Variants in NAALADL2 observed in about 807,000 individuals in gnomAD.
NAALADL2 encodes the protein N-acetylated alpha-linked acidic dipeptidase like 2.
A neutral mutation model predicts 87.2 loss-of-function variants in NAALADL2; 76 were observed. The observed-to-expected ratio is 0.87, with a 90% CI of 0.72 to 1.05. NAALADL2 has a LOEUF of 1.05. Among genes scored for constraint, NAALADL2 ranks in the 50% least tolerant of loss-of-function variants. The pLI, the probability that NAALADL2 is intolerant of heterozygous loss-of-function variation, is 0.00. For synonymous variants in NAALADL2, 354 were observed against 331.0 expected, an observed-to-expected ratio of 1.07 and a Z score of -0.75; for missense variants, 1,089 against 945.8, an observed-to-expected ratio of 1.15 and a Z score of -1.99.
chr3:175,083,817 A>C (rs1718345597), intron 1 of NAALADL2, among the ~76,000 whole-genome samples: 1 of 152,222 alleles, frequency 6.6e-6, no homozygotes, highest in Admixed American at 6.5e-5. Context: ...TATCTGACCC[A>C]AAATTCTATA....
intron 2 of NAALADL2, among the ~76,000 whole-genome samples, chr3:175,154,893 C>A (rs746284693): frequency 2.0e-5 from 3 of 151,976 alleles, no homozygotes; most frequent in Non-Finnish European, 2.9e-5. Context: ...TACTCCATAC[C>A]CCTGTTATTT....
intron 2 of NAALADL2, among the ~76,000 whole-genome samples, chr3:174,641,013 T>C (rs1723126206): frequency 6.6e-6 from 1 of 152,140 alleles, no homozygotes; most frequent in African/African-American, 2.4e-5. Flanking sequence ...CAGGCGAGGA[T>C]GGGCGCCCCA....
chr3:174,813,877 A>T lies in NAALADL2; in HGVS notation c.-9+76131A>T, dbSNP rs1422399336. Among the ~76,000 whole-genome samples, 4 of 152,082 alleles carry T rather than the reference A, an allele frequency of 2.6e-5. No individual in the cohort carries two copies. In the East Asian group the frequency reaches 7.7e-4, roughly 29 times the overall value. Reference sequence around the variant, plus strand: ...AGAAATAATAAATATTTAAGATCTCAAACTTTTATGCATGTATAGTATAGC... The same window carrying T: ...AGAAATAATAAATATTTAAGATCTCTAACTTTTATGCATGTATAGTATAGC... On this transcript the variant is annotated intron_variant, in intron 3 of 3. Coordinates refer to the NAALADL2 transcript ENST00000434257.
Position 175,473,476 on chromosome 3 carries a change from A to G in NAALADL2, c.1653+1718A>G, listed in dbSNP as rs189539548. Among the ~76,000 whole-genome samples the G allele has an allele frequency of 2.6e-3, 397 of 152,140 alleles. 1 individual carries two copies. The highest frequency in any genetic ancestry group is 8.6e-3 in the African/African-American group (359 of 41,558). ...CAATTTAGAAGGTTAGGAATATCACAACTTCAAGCAAAGGATAGCATTATG... is the reference window on the plus strand; with the variant it reads ...CAATTTAGAAGGTTAGGAATATCACGACTTCAAGCAAAGGATAGCATTATG... On this transcript the variant is annotated intron_variant, in intron 9 of 13. Coordinates refer to ENST00000454872, the MANE Select transcript of NAALADL2 (RefSeq NM_207015.3).
intron 3 of NAALADL2, among the ~76,000 whole-genome samples, chr3:174,763,594 A>AAAAAAAAAAAAAAAAAAG (rs1481561081): frequency 6.7e-6 from 1 of 148,982 alleles, no homozygotes. Flanking sequence ...CTCAAAAAAA[A>AAAAAAAAAAAAAAAAAAG]AAAAAAAGAC....
intron 11 of NAALADL2, among the ~76,000 whole-genome samples, chr3:175,683,758 T>A (rs552177613): frequency 1.3e-4 from 20 of 152,138 alleles, no homozygotes; most frequent in African/African-American, 4.6e-4. Flanking sequence ...GCTGAAACAT[T>A]GTATTGAAGT....
intron 11 of NAALADL2, among the ~76,000 whole-genome samples, chr3:175,705,198 G>A (rs755315220): frequency 1.3e-5 from 2 of 151,932 alleles, no homozygotes; most frequent in Non-Finnish European, 2.9e-5. Flanking sequence ...CAGCTGTAGG[G>A]TTCATTTTAT....
At chr3:174,853,253 C>T (rs931326737) in intron 3 of NAALADL2, among the ~76,000 whole-genome samples, 1 of 143,052 alleles carries the variant, frequency 7.0e-6, no homozygotes, top group Non-Finnish European at 1.5e-5. Flanking sequence ...TGGCTCGCAC[C>T]TGTAGTCCCA....
chr3:175,674,966 A>T (rs1307440012), intron 11 of NAALADL2: 1 of 152,206 alleles, frequency 6.6e-6, no homozygotes, highest in African/African-American at 2.4e-5. Context: ...ATACTGCTAC[A>T]TGCCATTATT....
intron 11 of NAALADL2, among the ~76,000 whole-genome samples, chr3:175,687,880 C>T (rs1445300866): frequency 2.0e-5 from 3 of 151,962 alleles, no homozygotes; most frequent in Admixed American, 6.6e-5. Flanking sequence ...GTTCCCCCTT[C>T]GCCTTCCGCC....
At chr3:174,441,985 A>T (rs1377094000) in intron 1 of NAALADL2, among the ~76,000 whole-genome samples, 1 of 151,362 alleles carries the variant, frequency 6.6e-6, no homozygotes, top group Non-Finnish European at 1.5e-5. Context: ...TTTTTTAACC[A>T]CCCGAGAACC....
chr3:175,686,166 TA>T (rs1736268321), intron 11 of NAALADL2, among the ~76,000 whole-genome samples: 1 of 151,720 alleles, frequency 6.6e-6, no homozygotes, highest in Non-Finnish European at 1.5e-5. Context: ...TATTCTGTAA[TA>T]AAATAAGTAG....
At chr3:175,542,343 C>T (rs1712501014) in intron 9 of NAALADL2, among the ~76,000 whole-genome samples, 1 of 152,174 alleles carries the variant, frequency 6.6e-6, no homozygotes, top group African/African-American at 2.4e-5. Context: ...TATGTTATAA[C>T]ACTTCTAAAG....
intron 11 of NAALADL2, among the ~76,000 whole-genome samples, chr3:175,690,675 A>T (rs1736927604): frequency 6.6e-6 from 1 of 152,066 alleles, no homozygotes; most frequent in African/African-American, 2.4e-5. Flanking sequence ...GAATCTTCAG[A>T]AAATGAGTGT....
intron 13 of NAALADL2, among the ~76,000 whole-genome samples, chr3:175,762,247 ACT>A (rs1203051978): frequency 9.4e-6 from 1 of 105,850 alleles, no homozygotes; most frequent in African/African-American, 3.6e-5. Context: ...GTTTGTTAAG[ACT>A]CTCTTTTCTC....
At chr3:175,448,140 T>C (rs1295639807) in intron 6 of NAALADL2, among the ~76,000 whole-genome samples, 1 of 152,224 alleles carries the variant, frequency 6.6e-6, no homozygotes, top group African/African-American at 2.4e-5. Flanking sequence ...TGAAGAAATA[T>C]GTACAAAAAA....
chr3:174,767,765 C>T (rs1343282331), intron 3 of NAALADL2, among the ~76,000 whole-genome samples: 1 of 152,190 alleles, frequency 6.6e-6, no homozygotes, highest in Non-Finnish European at 1.5e-5. Flanking sequence ...AATATCTAAA[C>T]TCAGAACAAC....
chr3:175,339,422 T>A (rs1298089764), intron 5 of NAALADL2, among the ~76,000 whole-genome samples: 1 of 152,168 alleles, frequency 6.6e-6, no homozygotes, highest in Non-Finnish European at 1.5e-5. Context: ...CTGGAAGGGA[T>A]CTTAGAGGTT....
intron 5 of NAALADL2, among the ~76,000 whole-genome samples, chr3:175,420,194 C>G (rs1406401475): frequency 6.6e-6 from 1 of 151,898 alleles, no homozygotes; most frequent in South Asian, 2.1e-4. Flanking sequence ...AGAAATGTTT[C>G]TTTTCTGAAG....
Sources: gnomAD v4.1 joint callset for allele counts (sites outside exome capture counted in the v4.1 genomes callset) on GRCh38, gnomAD v4.1.1 for gene constraint, MANE v1.5 for transcripts, NCBI Gene and HGNC (gene_info 2026-07-23, HGNC 2026-07-21) for gene names.